The following WDR20 variants were observed in gnomAD, a reference collection of about 807,000 sequenced individuals.
The protein encoded by WDR20 is WD repeat-containing protein 20.
WDR20 carries 3 observed loss-of-function variants against 38.7 expected under a neutral mutation model. That is an observed-to-expected ratio of 0.08 (90% CI 0.04 to 0.20). The LOEUF (loss-of-function observed/expected upper bound fraction) is 0.20. WDR20 is among the 10% of genes least tolerant of loss of function. The probability of loss-of-function intolerance (pLI) is 1.00; values close to 1 mark genes in which losing one functional copy is unlikely to be tolerated. For missense variants in WDR20, 559 were observed against 727.7 expected (o/e 0.77, Z 2.67); for synonymous variants, 298 against 285.6 (o/e 1.04, Z -0.44).
intron 1 of WDR20, among the ~76,000 whole-genome samples, chr14:102,156,745 C>T (rs2057486622): frequency 6.6e-6 from 1 of 151,946 alleles, no homozygotes; most frequent in Non-Finnish European, 1.5e-5. Flanking sequence ...GCCTGTAATC[C>T]TAGCACTTTG....
upstream of WDR20, chr14:102,139,778 T>TTGGCCCGCCCTCGCAGGGC: frequency 1.6e-6 from 2 of 1,249,722 alleles, no homozygotes; most frequent in Non-Finnish European, 2.2e-6. Context: ...CCCCTTCCCT[T>TTGGCCCGCCCTCGCAGGGC]TGGCCCGCCC....
downstream of WDR20, among the ~76,000 whole-genome samples, chr14:102,216,376 T>C (rs2063222830): frequency 6.6e-6 from 1 of 152,170 alleles, no homozygotes; most frequent in Non-Finnish European, 1.5e-5. Context: ...CACTGAAGCC[T>C]TGACCTCCTG....
At chr14:102,201,688 T>G (rs77845784) in intron 2 of WDR20, among the ~76,000 whole-genome samples, 6,619 of 152,318 alleles carry the variant, frequency 0.043, 176 homozygotes, top group Middle Eastern at 0.065. Context: ...AGCAGGTGTC[T>G]TGACGTACAT....
At chr14:102,202,912 A>G (rs918535545) in intron 2 of WDR20, among the ~76,000 whole-genome samples, 20 of 152,156 alleles carry the variant, frequency 1.3e-4, no homozygotes, top group African/African-American at 4.6e-4. Context: ...GGTTATATTT[A>G]TTAGCTGCAG....
intron 1 of WDR20, among the ~76,000 whole-genome samples, chr14:102,148,309 C>A (rs1302268143): frequency 6.6e-6 from 1 of 151,904 alleles, no homozygotes; most frequent in Non-Finnish European, 1.5e-5. Context: ...TTTAGGAGAC[C>A]GAGGCAGGAG....
chr14:102,184,210 C>G (rs1204036012), intron 1 of WDR20, among the ~76,000 whole-genome samples: 1 of 152,138 alleles, frequency 6.6e-6, no homozygotes, highest in African/African-American at 2.4e-5. Context: ...ATGAAGAAAT[C>G]AGTATTTCAT....
exon 4 of WDR20, chr14:102,223,052 T>C: frequency 1.5e-6 from 1 of 656,906 alleles, no homozygotes; most frequent in South Asian, 2.0e-5. Context: ...GTGCTCCCGC[T>C]GCTCACCCAA....
intron 1 of WDR20, among the ~76,000 whole-genome samples, chr14:102,173,285 TG>T (rs1306476407): frequency 6.6e-6 from 1 of 151,094 alleles, no homozygotes; most frequent in Non-Finnish European, 1.5e-5. Context: ...GCCAGTTTTT[TG>T]TATTTTTAGT....
downstream of WDR20, chr14:102,215,085 G>A: frequency 2.6e-6 from 2 of 776,312 alleles, no homozygotes; most frequent in Non-Finnish European, 3.1e-6. Flanking sequence ...GTTTTTAAAT[G>A]CTGTAAAATT....
chr14:102,144,113 G>T (rs2052634256), intron 1 of WDR20, among the ~76,000 whole-genome samples: 1 of 152,018 alleles, frequency 6.6e-6, no homozygotes, highest in Non-Finnish European at 1.5e-5. Context: ...AAGAGTTAAG[G>T]TTACAGTGAG....
chr14:102,151,275 G>A (rs968791519), intron 1 of WDR20, among the ~76,000 whole-genome samples: 1 of 149,256 alleles, frequency 6.7e-6, no homozygotes, highest in African/African-American at 2.5e-5. Context: ...CAAGGCCTGT[G>A]CCTAGGCCTC....
At chr14:102,213,081 C>G, downstream of WDR20, 3 of 987,552 alleles carry the variant, frequency 3.0e-6, no homozygotes, top group Non-Finnish European at 3.6e-6. Context: ...GGTGCCAGGC[C>G]AGGGCCAGGG....
At chr14:102,139,611 G>A, upstream of WDR20, 2 of 663,184 alleles carry the variant, frequency 3.0e-6, no homozygotes, top group Non-Finnish European at 5.0e-6. Flanking sequence ...TGGCGGCTGC[G>A]GAACGGTCAA....
chr14:102,196,600 C>T (rs2059443106), intron 2 of WDR20, among the ~76,000 whole-genome samples: 3 of 152,108 alleles, frequency 2.0e-5, no homozygotes, highest in Non-Finnish European at 2.9e-5. Context: ...CAGCCCTGGC[C>T]GAGGATGGTA....
At chr14:102,139,449 G>A, upstream of WDR20, 1 of 1,494,986 alleles carries the variant, frequency 6.7e-7, no homozygotes, top group Non-Finnish European at 8.9e-7. Flanking sequence ...CCGAAGCGGT[G>A]GCCGTCGGGG....
rs1266718027 is a variant in WDR20, at chr14:102,221,918, G to A, written c.1693-912G>A. 3.3e-5 allele frequency among the ~76,000 whole-genome samples: 5 copies of A among 152,162 alleles called. No homozygotes were observed. Among genetic ancestry groups the A allele is most frequent in the Admixed American group, 6.5e-5 (1 of 15,270 alleles). ...AAATGTGCACCTTTGGGGCTGCACT[G>A]TCGCCATCTTAATGTTCTTCATAAA... On this transcript the variant is annotated intron_variant, in intron 3 of 3. Coordinates refer to the WDR20 transcript ENST00000335263. The surrounding 1 kb of genome is among the most constrained non-coding windows in gnomAD (Gnocchi z 4.8).
intron 1 of WDR20, among the ~76,000 whole-genome samples, chr14:102,147,739 T>G (rs893033413): frequency 3.3e-5 from 5 of 152,154 alleles, no homozygotes; most frequent in African/African-American, 9.7e-5. Flanking sequence ...TAGTTTTAGT[T>G]TTAGTTTTGG....
intron 2 of WDR20, among the ~76,000 whole-genome samples, chr14:102,200,666 T>C (rs946108663): frequency 6.6e-6 from 1 of 152,280 alleles, no homozygotes; most frequent in Middle Eastern, 3.4e-3. Context: ...AATAGTAACT[T>C]TGAAGGATTT....
At chr14:102,163,987 A>G (rs913757159) in intron 1 of WDR20, among the ~76,000 whole-genome samples, 1 of 152,184 alleles carries the variant, frequency 6.6e-6, no homozygotes, top group African/African-American at 2.4e-5. Flanking sequence ...TGAAGGCATT[A>G]TTAGCTCAGC....
Sources: gnomAD v4.1 joint callset for allele counts (sites outside exome capture counted in the v4.1 genomes callset) on GRCh38, gnomAD v4.1.1 for gene constraint, Gnocchi (gnomAD v3.1) non-coding constraint, MANE v1.5 for transcripts, NCBI Gene and HGNC (gene_info 2026-07-23, HGNC 2026-07-21) for gene names.